NMNAT3: variants seen among roughly 807,000 people sequenced by gnomAD.
NMNAT3 encodes nicotinamide/nicotinic acid mononucleotide adenylyltransferase 3.
In NMNAT3, 21 loss-of-function variants were observed where a neutral mutation model predicts 24.8. That is an observed-to-expected ratio of 0.85 (90% confidence interval 0.60 to 1.22). NMNAT3 has a LOEUF of 1.22. NMNAT3 is among the 50% of genes most tolerant of loss of function. The probability of loss-of-function intolerance (pLI) is 0.00; values close to 1 mark genes in which losing one functional copy is unlikely to be tolerated. For missense variants in NMNAT3, 387 were observed against 436.6 expected (o/e 0.89, Z 1.01); for synonymous variants, 136 against 155.2 (o/e 0.88, Z 0.92).
At chr3:139,581,660 A>G (rs1410916016) in intron 4 of NMNAT3, among the ~76,000 whole-genome samples, 4 of 152,184 alleles carry the variant, frequency 2.6e-5, no homozygotes, top group Non-Finnish European at 4.4e-5. Flanking sequence ...CTAATCTATA[A>G]TAAGTAGATA....
intron 2 of NMNAT3, chr3:139,635,510 T>C (rs1044102117): frequency 6.6e-6 from 1 of 152,250 alleles, no homozygotes. Flanking sequence ...AAATCATAGC[T>C]GATCTGTCAA....
At chr3:139,657,582 G>A (rs962788532) in intron 1 of NMNAT3, among the ~76,000 whole-genome samples, 10 of 152,208 alleles carry the variant, frequency 6.6e-5, no homozygotes, top group African/African-American at 2.2e-4. Context: ...GTGGTGGGGT[G>A]CTGTGGGGTC....
chr3:139,576,067 A>G (rs937467875), intron 5 of NMNAT3: 1 of 1,287,124 alleles, frequency 7.8e-7, no homozygotes, highest in Non-Finnish European at 1.0e-6. Context: ...AGGAATCCTC[A>G]GTAAGCTCTA....
intron 1 of NMNAT3, among the ~76,000 whole-genome samples, chr3:139,659,403 T>A (rs957224310): frequency 6.6e-6 from 1 of 152,182 alleles, no homozygotes; most frequent in Non-Finnish European, 1.5e-5. Context: ...TCCCCAAGTG[T>A]GATGGAATGC....
chr3:139,617,675 G>T (rs2055573279), intron 3 of NMNAT3, among the ~76,000 whole-genome samples: 1 of 152,180 alleles, frequency 6.6e-6, no homozygotes, highest in South Asian at 2.1e-4. Context: ...AACACACGTG[G>T]ATTATTGCTG....
intron 2 of NMNAT3, among the ~76,000 whole-genome samples, chr3:139,632,943 C>T (rs771109636): frequency 2.0e-5 from 3 of 152,008 alleles, no homozygotes; most frequent in Non-Finnish European, 2.9e-5. Flanking sequence ...CATGAAGGCC[C>T]CCATAAAGAG....
chr3:139,595,251 C>G (rs972921301), intron 3 of NMNAT3, among the ~76,000 whole-genome samples: 1 of 152,118 alleles, frequency 6.6e-6, no homozygotes, highest in African/African-American at 2.4e-5. Context: ...ATCCAACTTA[C>G]AAGGGATGTG....
At chr3:139,618,173 A>G (rs901119889) in intron 3 of NMNAT3, among the ~76,000 whole-genome samples, 7 of 152,184 alleles carry the variant, frequency 4.6e-5, no homozygotes, top group African/African-American at 1.7e-4. Context: ...TAATTCCCAA[A>G]CATTCTTTCA....
chr3:139,624,912 C>T (rs931549353), intron 3 of NMNAT3, among the ~76,000 whole-genome samples: 3 of 152,136 alleles, frequency 2.0e-5, no homozygotes, highest in Non-Finnish European at 4.4e-5. Flanking sequence ...TTTCTGTGTG[C>T]TTATTCTATT....
chr3:139,633,163 C>T (rs2056365761), intron 2 of NMNAT3, among the ~76,000 whole-genome samples: 1 of 148,948 alleles, frequency 6.7e-6, no homozygotes, highest in Non-Finnish European at 1.5e-5. Flanking sequence ...GAAGGGAATA[C>T]ATTTGTGTTT....
rs374539467 is a variant in NMNAT3 at position 139,669,830 on chromosome 3, CATCTT to C, written c.-141+7870_-141+7874del. ...TCCTAATGAAGTTTTCTTTTAATAT[CATCTT>C]AATCTACCAGAAAAATAACAGGAAT... On this transcript the variant is annotated intron_variant, in intron 1 of 6. Coordinates refer to ENST00000643695, the MANE Select transcript of NMNAT3 (RefSeq NM_001320510.2). 8.7e-4 allele frequency among the ~76,000 whole-genome samples: 132 copies of C among 152,200 alleles called. 3 individuals are homozygous for C. In the South Asian group the frequency reaches 0.025, roughly 29 times the overall value.
At chr3:139,667,878 T>C (rs1446157887) in intron 1 of NMNAT3, among the ~76,000 whole-genome samples, 2 of 152,102 alleles carry the variant, frequency 1.3e-5, no homozygotes, top group South Asian at 4.2e-4. Context: ...GGAAATAGTC[T>C]AGAACAAACA....
At chr3:139,633,352 G>A (rs1175275918) in intron 2 of NMNAT3, among the ~76,000 whole-genome samples, 1 of 151,960 alleles carries the variant, frequency 6.6e-6, no homozygotes, top group African/African-American at 2.4e-5. Context: ...TGCTAATTTT[G>A]TATTTTTAGT....
chr3:139,664,726 TAGAA>T (rs1559970500), intron 1 of NMNAT3, among the ~76,000 whole-genome samples: 1 of 152,228 alleles, frequency 6.6e-6, no homozygotes, highest in African/African-American at 2.4e-5. Context: ...TTCCTTACAA[TAGAA>T]AGAATCTTGA....
intron 3 of NMNAT3, among the ~76,000 whole-genome samples, chr3:139,626,069 G>C (rs995095840): frequency 5.3e-5 from 8 of 152,066 alleles, no homozygotes; most frequent in African/African-American, 1.4e-4. Context: ...CTGCTTTTGA[G>C]AGATTTGATT....
chr3:139,624,096 C>A (rs952400383), intron 3 of NMNAT3, among the ~76,000 whole-genome samples: 7 of 152,066 alleles, frequency 4.6e-5, no homozygotes, highest in Admixed American at 3.9e-4. Context: ...TATTTGTTTT[C>A]TTCTGCTTAT....
At position 139,560,987 on chromosome 3, in the gene NMNAT3, T is replaced by C. The variant is rs779072223; in HGVS notation, c.*23A>G. On this transcript the variant is annotated 3_prime_UTR_variant, in exon 7 of 7. Transcript: ENST00000643695. ...CCCAGCAGGAGCTTGTTGGAGGAGG[T>C]GTGGGTGCTGAGTCCCCCCTCCCTA... 2.5e-6 allele frequency: 4 copies of C among 1,594,206 alleles called. No individual in the cohort carries two copies. The highest frequency in any genetic ancestry group is 3.4e-6 in the Non-Finnish European group (4 of 1,167,710).
intron 1 of NMNAT3, among the ~76,000 whole-genome samples, chr3:139,671,983 A>G (rs902144898): frequency 2.6e-5 from 4 of 152,168 alleles, no homozygotes; most frequent in Non-Finnish European, 5.9e-5. Context: ...GTTGGTTTGC[A>G]TCACATGTTT....
chr3:139,676,907 C>T (rs978197401), intron 1 of NMNAT3, among the ~76,000 whole-genome samples: 3 of 152,206 alleles, frequency 2.0e-5, no homozygotes, highest in African/African-American at 4.8e-5. Context: ...TGCAGAGTAA[C>T]ATCCAGCACC....
Sources: allele counts gnomAD v4.1 joint callset (sites outside exome capture counted in the v4.1 genomes callset), GRCh38; gene constraint gnomAD v4.1.1; transcripts MANE v1.5; gene names NCBI Gene and HGNC (gene_info 2026-07-23, HGNC 2026-07-21).